KCNT1: variants seen among roughly 807,000 people sequenced by gnomAD.
KCNT1 encodes potassium channel subfamily T member 1.
KCNT1 carries 78 observed loss-of-function variants against 147.8 expected under a neutral mutation model. The ratio of observed to expected loss-of-function variants is 0.53; its 90% CI spans 0.44 to 0.64. KCNT1 has a LOEUF of 0.64. Among genes scored for constraint, KCNT1 ranks in the 30% least tolerant of loss-of-function variants. The probability of loss-of-function intolerance (pLI) is 0.00; values close to 1 mark genes in which losing one functional copy is unlikely to be tolerated. For missense variants in KCNT1, 1,419 were observed against 1,750.3 expected (o/e 0.81, Z 3.38); for synonymous variants, 867 against 748.8 (o/e 1.16, Z -2.58).
chr9:135,783,919 CATG>C (rs1377310965), intron 24 of KCNT1, 102 bp from the exon 25 acceptor site: 1 of 785,882 alleles, frequency 1.3e-6, no homozygotes, highest in Non-Finnish European at 2.2e-6. Context: ...ACACAGGTAT[CATG>C]CACACATGTA....
chr9:135,722,267 C>G (rs1266519930), intron 2 of KCNT1, among the ~76,000 whole-genome samples: 1 of 151,972 alleles, frequency 6.6e-6, no homozygotes, highest in Non-Finnish European at 1.5e-5. Flanking sequence ...TCCCGCGTCC[C>G]CTGGGGCTGC....
chr9:135,740,158 C>G (rs1366927498), intron 2 of KCNT1, among the ~76,000 whole-genome samples: 1 of 152,270 alleles, frequency 6.6e-6, no homozygotes, highest in East Asian at 1.9e-4. Context: ...CCTTAATGAC[C>G]GCTTTAAAGG....
chr9:135,791,677 A>C (rs758347099), intron 29 of KCNT1, 120 bp from the exon 30 acceptor site: 1 of 826,924 alleles, frequency 1.2e-6, no homozygotes, highest in Non-Finnish European at 2.0e-6. Context: ...GCTGGAGCAG[A>C]ATGGTCAGGA....
intron 2 of KCNT1, among the ~76,000 whole-genome samples, chr9:135,720,730 C>T (rs1835892416): frequency 6.6e-6 from 1 of 152,238 alleles, no homozygotes; most frequent in Admixed American, 6.5e-5. Context: ...GGAGCCAGCC[C>T]CAGCTCCCTG....
At chr9:135,707,699 G>C (rs1188089513) in intron 1 of KCNT1, among the ~76,000 whole-genome samples, 1 of 152,194 alleles carries the variant, frequency 6.6e-6, no homozygotes, top group Admixed American at 6.5e-5. Context: ...CCAGGCTTCT[G>C]CCTCCCCCGA....
chr9:135,779,651 C>A (rs901514391), intron 24 of KCNT1, among the ~76,000 whole-genome samples, 181 bp downstream of exon 24: 1 of 152,150 alleles, frequency 6.6e-6, no homozygotes, highest in African/African-American at 2.4e-5. Flanking sequence ...ATGGTGGAAC[C>A]AGGAGATGGA....
At chr9:135,764,285 A>T (rs1048453442) in intron 11 of KCNT1, among the ~76,000 whole-genome samples, 1 of 148,272 alleles carries the variant, frequency 6.7e-6, no homozygotes, top group Non-Finnish European at 1.5e-5. Context: ...GTGAGACCCC[A>T]TCTCTACAAA....
At chr9:135,771,609 G>A (rs1832770262) in intron 18 of KCNT1, among the ~76,000 whole-genome samples, 3 of 152,206 alleles carry the variant, frequency 2.0e-5, no homozygotes, top group Admixed American at 6.5e-5. Context: ...GTCCACTGGG[G>A]CCAGGAGTTG....
intron 19 of KCNT1, among the ~76,000 whole-genome samples, chr9:135,774,416 GTGTCTGTGTGT>G (rs1306133686): frequency 6.8e-6 from 1 of 147,644 alleles, no homozygotes; most frequent in Non-Finnish European, 1.5e-5. Flanking sequence ...TGTGTGGTGT[GTGTCTGTGTGT>G]TGTGTGGTGT....
At chr9:135,710,166 T>A (rs1835429606) in intron 1 of KCNT1, among the ~76,000 whole-genome samples, 1 of 152,224 alleles carries the variant, frequency 6.6e-6, no homozygotes, top group Non-Finnish European at 1.5e-5. Context: ...CTATTCCTCT[T>A]GGAATAGATG....
intron 2 of KCNT1, among the ~76,000 whole-genome samples, chr9:135,726,054 A>G (rs1836125164): frequency 6.6e-6 from 1 of 152,058 alleles, no homozygotes; most frequent in Non-Finnish European, 1.5e-5. Flanking sequence ...TGTCAGGGCA[A>G]GAGACCCCCA....
At chr9:135,707,323 C>A (rs1268967537) in intron 1 of KCNT1, among the ~76,000 whole-genome samples, 1 of 152,002 alleles carries the variant, frequency 6.6e-6, no homozygotes, top group African/African-American at 2.4e-5. Flanking sequence ...ACCACGGCCT[C>A]CCCACCCTCA....
chr9:135,773,160 T>C (rs1263170132), intron 19 of KCNT1, among the ~76,000 whole-genome samples: 1 of 152,206 alleles, frequency 6.6e-6, no homozygotes, highest in Non-Finnish European at 1.5e-5. Flanking sequence ...GGAGCACTTT[T>C]GAGTGTCACT....
In KCNT1 at chr9:135,753,973, C is replaced by T; in HGVS notation, c.471C>T (p.Asp157=). Residue 157 remains aspartate, a synonymous_variant, in exon 5 of 31, where the codon GAC becomes GAT. Coordinates refer to ENST00000371757, the MANE Select transcript of KCNT1 (RefSeq NM_020822.3). ...CAAAGCAGAACTACTCCTTCAATGA[C>T]TCGTCCTCCGAGATCAACTGGTGAG... The part of the protein sequence containing the change: ...GCPKQNYSFN[D]SSSEINWAPI... 6.2e-7 allele frequency: 1 copy of T among 1,614,126 alleles called. No homozygotes were observed. The highest frequency in any genetic ancestry group is 1.7e-4 in the Middle Eastern group (1 of 6,060).
Position 135,793,799 on chromosome 9 carries a change from G to A in KCNT1, c.*1638G>A, listed in dbSNP as rs1798588084. ...ACATGGGTGGTCAGGGAGAGGCTGT[G>A]TGGATTCAGGGGACCAGAAAGTAAG... On this transcript the variant is annotated 3_prime_UTR_variant, in exon 31 of 31. Transcript: ENST00000371757. The A allele has an allele frequency of 1.3e-5, 2 of 152,582 alleles. No individual in the cohort carries two copies. Among genetic ancestry groups the A allele is most frequent in the Non-Finnish European group, 2.9e-5 (2 of 68,302 alleles). The allele number at this position is 152,582 out of a possible 1,614,324, so 9.5% of individuals were successfully genotyped here.
intron 29 of KCNT1, among the ~76,000 whole-genome samples, chr9:135,787,209 C>T (rs927011163): frequency 1.3e-5 from 2 of 152,228 alleles, no homozygotes; most frequent in Non-Finnish European, 2.9e-5. Flanking sequence ...GCCCGGCGTC[C>T]GTCTTCAGCA....
chr9:135,771,638 G>T (rs1832771585), intron 18 of KCNT1, among the ~76,000 whole-genome samples: 1 of 152,212 alleles, frequency 6.6e-6, no homozygotes, highest in Admixed American at 6.5e-5. Flanking sequence ...AGGTCGCAGT[G>T]GCCGAGGGCT....
At chr9:135,709,973 A>G (rs895015493) in intron 1 of KCNT1, among the ~76,000 whole-genome samples, 3 of 152,134 alleles carry the variant, frequency 2.0e-5, no homozygotes, top group African/African-American at 7.2e-5. Flanking sequence ...GAGCCACTGC[A>G]CCCGGCCATG....
intron 1 of KCNT1, among the ~76,000 whole-genome samples, chr9:135,712,963 G>T (rs943332194): frequency 2.2e-4 from 33 of 152,162 alleles, no homozygotes; most frequent in African/African-American, 7.7e-4. Context: ...CTGGACTCCT[G>T]GTGCACTTCC....
Sources: gnomAD v4.1 joint callset for allele counts (sites outside exome capture counted in the v4.1 genomes callset) on GRCh38, gnomAD v4.1.1 for gene constraint, MANE v1.5 for transcripts, NCBI Gene and HGNC (gene_info 2026-07-23, HGNC 2026-07-21) for gene names.